Variants in ZEB1 observed in about 807,000 individuals in gnomAD.
The protein encoded by ZEB1 is zinc finger E-box-binding homeobox 1.
ZEB1 carries 21 observed loss-of-function variants against 84.9 expected under a neutral mutation model. The ratio of observed to expected loss-of-function variants is 0.25; its 90% CI spans 0.18 to 0.36. The LOEUF (loss-of-function observed/expected upper bound fraction) is 0.36, where lower values mean the gene tolerates loss of function less well. Among genes scored for constraint, ZEB1 ranks in the 10% least tolerant of loss-of-function variants. ZEB1 has a pLI of 1.00. For missense variants in ZEB1, 1,104 were observed against 1,330.2 expected, an observed-to-expected ratio of 0.83 and a Z score of 2.65; for synonymous variants, 420 against 471.1, an observed-to-expected ratio of 0.89 and a Z score of 1.41.
intron 2 of ZEB1, among the ~76,000 whole-genome samples, chr10:31,493,875 C>G (rs1385808779): frequency 6.6e-6 from 1 of 151,938 alleles, no homozygotes; most frequent in Non-Finnish European, 1.5e-5. Flanking sequence ...ATGTTAAATA[C>G]TCATCTAAAG....
At chr10:31,482,659 G>A (rs1002884297) in intron 2 of ZEB1, among the ~76,000 whole-genome samples, 1 of 151,922 alleles carries the variant, frequency 6.6e-6, no homozygotes, top group African/African-American at 2.4e-5. Flanking sequence ...CAGCTTTTCT[G>A]TAAGTCTGAA....
intron 1 of ZEB1, among the ~76,000 whole-genome samples, chr10:31,338,705 G>A (rs375250351): frequency 1.3e-5 from 2 of 152,060 alleles, no homozygotes; most frequent in Admixed American, 6.6e-5. Flanking sequence ...TTTTGTGTCC[G>A]TACGTTCATG....
chr10:31,395,647 A>C (rs2050580547), intron 1 of ZEB1, among the ~76,000 whole-genome samples: 1 of 152,204 alleles, frequency 6.6e-6, no homozygotes, highest in Non-Finnish European at 1.5e-5. Context: ...GGAACCCTGA[A>C]CATCAGAGAG....
chr10:31,334,488 T>C (rs1378236062), intron 1 of ZEB1, among the ~76,000 whole-genome samples: 4 of 152,100 alleles, frequency 2.6e-5, no homozygotes, highest in Non-Finnish European at 5.9e-5. Flanking sequence ...TTTTAATGCT[T>C]ATATTATGGG....
At chr10:31,504,333 A>G (rs1366659168) in intron 4 of ZEB1, among the ~76,000 whole-genome samples, 1 of 151,704 alleles carries the variant, frequency 6.6e-6, no homozygotes, top group Non-Finnish European at 1.5e-5. Context: ...TTTTTTACTA[A>G]TGCCATGCTG....
At chr10:31,406,032 T>A (rs2052949837) in intron 1 of ZEB1, among the ~76,000 whole-genome samples, 1 of 152,204 alleles carries the variant, frequency 6.6e-6, no homozygotes, top group South Asian at 2.1e-4. Flanking sequence ...CTCATCCTTT[T>A]TATGGCTGCA....
Position 31,461,247 on chromosome 10 carries a change from A to G in ZEB1, c.259+10A>G. The G allele has an allele frequency of 6.3e-7, 1 of 1,590,260 alleles. No individual in the cohort carries two copies. The highest frequency in any genetic ancestry group is 1.4e-5 in the African/African-American group (1 of 73,902). ...TGCTGGGAGGATGACAGTAAGTCTG[A>G]TTTTTTTTTGTAATATTGTATTCTC... is the stretch of plus-strand genomic sequence containing the variant. On this transcript the variant is annotated intron_variant, in intron 2 of 8. Transcript: ENST00000424869.
intron 1 of ZEB1, among the ~76,000 whole-genome samples, chr10:31,441,957 G>A (rs987441671): frequency 3.3e-5 from 5 of 152,182 alleles, no homozygotes; most frequent in Non-Finnish European, 5.9e-5. Context: ...TACACTGTTG[G>A]TGGGACTGTA....
At chr10:31,503,584 A>T (rs1446397414) in intron 4 of ZEB1, among the ~76,000 whole-genome samples, 2 of 152,020 alleles carry the variant, frequency 1.3e-5, no homozygotes, top group Non-Finnish European at 2.9e-5. Context: ...ATAAATACCC[A>T]GTAGTGGAAT....
chr10:31,352,311 G>A (rs547497270), intron 1 of ZEB1, among the ~76,000 whole-genome samples: 20 of 152,098 alleles, frequency 1.3e-4, no homozygotes, highest in South Asian at 6.2e-4. Context: ...AAATTTAAGC[G>A]TTACTGTGAT....
chr10:31,507,300 G>A (rs759455193), intron 4 of ZEB1, among the ~76,000 whole-genome samples: 25 of 152,072 alleles, frequency 1.6e-4, no homozygotes, highest in Non-Finnish European at 3.2e-4. Flanking sequence ...TGAATATAAT[G>A]TGCCATGGAG....
At chr10:31,353,259 T>A (rs570145712) in intron 1 of ZEB1, among the ~76,000 whole-genome samples, 1 of 152,346 alleles carries the variant, frequency 6.6e-6, no homozygotes, top group African/African-American at 2.4e-5. Context: ...GTGATTATAA[T>A]ACTTAAAGGT....
At chr10:31,459,947 T>C (rs1053760391) in intron 1 of ZEB1, among the ~76,000 whole-genome samples, 3 of 151,566 alleles carry the variant, frequency 2.0e-5, no homozygotes, top group African/African-American at 7.3e-5. Context: ...TGTTGGAAAA[T>C]TTAAGGAAGC....
chr10:31,365,276 T>C lies in ZEB1; in HGVS notation c.58+45984T>C, dbSNP rs894483512. ...GGTCATTGTGAGCATGCCAGCTTGG[T>C]CAACTATTCACCACACATGATGCCC... On this transcript the variant is annotated intron_variant, in intron 1 of 8. Coordinates refer to ENST00000424869, the MANE Select transcript of ZEB1 (RefSeq NM_001174096.2). 4.6e-5 allele frequency among the ~76,000 whole-genome samples: 7 copies of C among 152,180 alleles called. 1 individual carries two copies. The highest frequency in any genetic ancestry group is 4.6e-4 in the Admixed American group (7 of 15,268).
At chr10:31,391,265 G>GTA (rs1554835667) in intron 1 of ZEB1, among the ~76,000 whole-genome samples, 2 of 147,074 alleles carry the variant, frequency 1.4e-5, no homozygotes, top group Admixed American at 6.7e-5. Context: ...GTGTGTGTGT[G>GTA]TGTGTGTGTG....
intron 2 of ZEB1, among the ~76,000 whole-genome samples, chr10:31,476,685 C>T (rs1054648474): frequency 1.3e-5 from 2 of 151,982 alleles, no homozygotes; most frequent in Non-Finnish European, 2.9e-5. Context: ...CCAGATTTAT[C>T]GCACATCAAA....
At chr10:31,440,508 GC>G (rs1564861821) in intron 1 of ZEB1, among the ~76,000 whole-genome samples, 1 of 152,130 alleles carries the variant, frequency 6.6e-6, no homozygotes, top group African/African-American at 2.4e-5. Flanking sequence ...AGACAGGGGT[GC>G]CCTTTCTCAC....
At chr10:31,436,172 A>G (rs1591239903) in intron 1 of ZEB1, among the ~76,000 whole-genome samples, 1 of 152,218 alleles carries the variant, frequency 6.6e-6, no homozygotes, top group African/African-American at 2.4e-5. Flanking sequence ...GGCATATGCA[A>G]TGGAGAGCCA....
intron 2 of ZEB1, among the ~76,000 whole-genome samples, chr10:31,465,039 A>G (rs1212755648): frequency 1.3e-5 from 2 of 152,224 alleles, no homozygotes; most frequent in Non-Finnish European, 2.9e-5. Flanking sequence ...ACTGCAGTCA[A>G]TAATAACTTA....
Sources: gnomAD v4.1 joint callset for allele counts (sites outside exome capture counted in the v4.1 genomes callset) on GRCh38, gnomAD v4.1.1 for gene constraint, MANE v1.5 for transcripts, NCBI Gene and HGNC (gene_info 2026-07-23, HGNC 2026-07-21) for gene names.